The following CCDC170 variants were observed in gnomAD, a reference collection of about 807,000 sequenced individuals.
CCDC170 encodes coiled-coil domain containing 170, also known as coiled-coil domain-containing protein 170.
Under a neutral mutation model 72.6 loss-of-function variants are expected in CCDC170, and 69 were observed. The ratio of observed to expected loss-of-function variants is 0.95; its 90% CI spans 0.78 to 1.16. The LOEUF is 1.16. CCDC170 is among the 50% of genes most tolerant of loss of function. The pLI is 0.00. For synonymous variants in CCDC170, 300 were observed against 303.9 expected, an observed-to-expected ratio of 0.99 and a Z score of 0.13; for missense variants, 852 against 832.5, an observed-to-expected ratio of 1.02 and a Z score of -0.29.
At chr6:151,596,053 T>C (rs1776616376) in intron 8 of CCDC170, among the ~76,000 whole-genome samples, 1 of 152,180 alleles carries the variant, frequency 6.6e-6, no homozygotes, top group African/African-American at 2.4e-5. Flanking sequence ...TAATTTTACA[T>C]TTTTATGATG....
At chr6:151,514,228 G>A (rs1232698363) in intron 1 of CCDC170, among the ~76,000 whole-genome samples, 1 of 151,424 alleles carries the variant, frequency 6.6e-6, no homozygotes, top group Non-Finnish European at 1.5e-5. Context: ...TTGAGACTGG[G>A]AGGTCAAGTC....
rs1777049277 is a variant in CCDC170 at position 151,620,798 on chromosome 6, C to T, written c.*2651C>T. On this transcript the variant is annotated 3_prime_UTR_variant, in exon 11 of 11. Coordinates refer to ENST00000239374, the MANE Select transcript of CCDC170 (RefSeq NM_025059.4). ...GATATTTTAAATAATATTTTAAAAACATGAAATTTTTTTTTCATTTTTGAT... is the reference window on the plus strand; with the variant it reads ...GATATTTTAAATAATATTTTAAAAATATGAAATTTTTTTTTCATTTTTGAT... The T allele has an allele frequency of 7.3e-6, 1 of 137,812 alleles. No homozygotes were observed. Among genetic ancestry groups the T allele is most frequent in the African/African-American group, 3.2e-5 (1 of 31,604 alleles). The allele number at this position is 137,812 out of a possible 1,614,324, so 8.5% of individuals were successfully genotyped here.
chr6:151,512,386 C>T (rs151197731), intron 1 of CCDC170, among the ~76,000 whole-genome samples: 77 of 152,252 alleles, frequency 5.1e-4, no homozygotes, highest in African/African-American at 1.8e-3. Flanking sequence ...TCTCGAACTC[C>T]TGACCTCTAG....
chr6:151,563,225 CA>C (rs1191973518), intron 5 of CCDC170, among the ~76,000 whole-genome samples: 1 of 152,014 alleles, frequency 6.6e-6, no homozygotes, highest in Non-Finnish European at 1.5e-5. Context: ...GTGAAGAGCA[CA>C]AAAAAATGCT....
chr6:151,524,520 C>G lies in CCDC170; in HGVS notation c.58-11798C>G, dbSNP rs867505969. ...AATATTAGGATGTAAAACTGAAAAC[C>G]TAATAAATTGGACTTTTAAAACATG... On this transcript the variant is annotated intron_variant, in intron 1 of 10. Coordinates refer to ENST00000239374, the MANE Select transcript of CCDC170 (RefSeq NM_025059.4). 4.6e-5 allele frequency among the ~76,000 whole-genome samples: 7 copies of G among 152,228 alleles called. No homozygotes were observed. The South Asian group carries it at 1.5e-3, about 32-fold the overall frequency.
At chr6:151,549,551 A>T (rs1782842956) in intron 5 of CCDC170, among the ~76,000 whole-genome samples, 1 of 152,102 alleles carries the variant, frequency 6.6e-6, no homozygotes, top group Non-Finnish European at 1.5e-5. Context: ...CCAGCCACCC[A>T]GTTCTCTTCA....
chr6:151,502,109 TA>T (rs1448452634), intron 1 of CCDC170, among the ~76,000 whole-genome samples: 2 of 152,108 alleles, frequency 1.3e-5, no homozygotes, highest in Non-Finnish European at 2.9e-5. Flanking sequence ...ATATTGCTCA[TA>T]AAAATAACTG....
At chr6:151,571,333 T>TA (rs397783969) in intron 5 of CCDC170, among the ~76,000 whole-genome samples, 3 of 151,752 alleles carry the variant, frequency 2.0e-5, no homozygotes, top group Non-Finnish European at 2.9e-5. Context: ...TTTTTTTTTT[T>TA]ACCAGTTAAC....
intron 1 of CCDC170, among the ~76,000 whole-genome samples, chr6:151,508,108 G>A (rs1417128174): frequency 6.6e-6 from 1 of 152,144 alleles, no homozygotes; most frequent in Non-Finnish European, 1.5e-5. Flanking sequence ...CCACAGTTTT[G>A]TGGCACTAGA....
chr6:151,606,486 C>G (rs1481449463), intron 9 of CCDC170, among the ~76,000 whole-genome samples: 1 of 152,124 alleles, frequency 6.6e-6, no homozygotes, highest in African/African-American at 2.4e-5. Context: ...TAAAAAGATA[C>G]TTGGTATGAT....
At position 151,494,861 on chromosome 6, in the gene CCDC170, A is replaced by T. The variant is rs1473163172; in HGVS notation, c.57+676A>T. Among the ~76,000 whole-genome samples the T allele has an allele frequency of 4.6e-5, 7 of 152,102 alleles. No homozygotes were observed. The South Asian group carries it at 1.0e-3, about 23-fold the overall frequency. On this transcript the variant is annotated intron_variant, in intron 1 of 10. Coordinates refer to ENST00000239374, the MANE Select transcript of CCDC170 (RefSeq NM_025059.4). ...TATGCATACTTGGGCGCACAAGAAGATCTGGCTGGCTCAGTCTGGGTTAAG... is the reference window on the plus strand; with the variant it reads ...TATGCATACTTGGGCGCACAAGAAGTTCTGGCTGGCTCAGTCTGGGTTAAG...
intron 9 of CCDC170, among the ~76,000 whole-genome samples, chr6:151,598,250 T>G (rs563533220): frequency 1.3e-5 from 2 of 152,226 alleles, no homozygotes; most frequent in South Asian, 4.2e-4. Context: ...GGATTTGGAA[T>G]AGGGTGGAAT....
chr6:151,566,945 A>G (rs956248146), intron 5 of CCDC170, among the ~76,000 whole-genome samples: 2 of 152,052 alleles, frequency 1.3e-5, no homozygotes, highest in African/African-American at 4.8e-5. Context: ...TTTGAGACTG[A>G]GTTTCGCTCT....
In CCDC170 at chr6:151,504,430, A is replaced by G. The variant is rs567267940; in HGVS notation, c.57+10245A>G. ...TTGGTAATAAATAAAATTTTTACCA[A>G]TTTTACCAATAAAAAATAATTGGTA... On this transcript the variant is annotated intron_variant, in intron 1 of 10. Transcript: ENST00000239374. 6.0e-5 allele frequency among the ~76,000 whole-genome samples: 9 copies of G among 149,936 alleles called. No individual in the cohort carries two copies. In the South Asian group the frequency reaches 1.7e-3, roughly 28 times the overall value.
At chr6:151,505,450 G>A (rs1354747421) in intron 1 of CCDC170, among the ~76,000 whole-genome samples, 1 of 151,944 alleles carries the variant, frequency 6.6e-6, no homozygotes, top group African/African-American at 2.4e-5. Flanking sequence ...TTGGGAGGCC[G>A]AGGTGGGCAG....
In CCDC170 at chr6:151,618,212, C is replaced by G. The variant is rs55774154; in HGVS notation, c.*65C>G. The G allele has an allele frequency of 4.2e-3, 5,749 of 1,373,836 alleles. 145 individuals carry two copies. The African/African-American group carries it at 0.064, about 15-fold the overall frequency. The allele number at this position is 1,373,836 out of a possible 1,614,324, so 85.1% of individuals were successfully genotyped here. ...ACACAATTCCCAATTTCACAAATTC[C>G]TCATGTCTTTGAGATTTGATCAGTT... On this transcript the variant is annotated 3_prime_UTR_variant, in exon 11 of 11. Coordinates refer to ENST00000239374, the MANE Select transcript of CCDC170 (RefSeq NM_025059.4).
At chr6:151,572,664 TTTTTTG>T (rs1159674082) in intron 5 of CCDC170, among the ~76,000 whole-genome samples, 1 of 143,460 alleles carries the variant, frequency 7.0e-6, no homozygotes, top group Non-Finnish European at 1.5e-5. Flanking sequence ...TTTTTTTTTT[TTTTTTG>T]ATGGAGTCTT....
At chr6:151,557,276 G>A (rs1782996258) in intron 5 of CCDC170, among the ~76,000 whole-genome samples, 2 of 152,124 alleles carry the variant, frequency 1.3e-5, no homozygotes, top group South Asian at 4.2e-4. Context: ...GGGTGTGGTG[G>A]TGCACGCCTG....
At chr6:151,508,640 G>T (rs961186514) in intron 1 of CCDC170, among the ~76,000 whole-genome samples, 22 of 152,264 alleles carry the variant, frequency 1.4e-4, no homozygotes, top group Middle Eastern at 3.4e-3. Flanking sequence ...TTGAACCCAG[G>T]AAGTGGAGGT....
Sources: gnomAD v4.1 joint callset for allele counts (sites outside exome capture counted in the v4.1 genomes callset) on GRCh38, gnomAD v4.1.1 for gene constraint, MANE v1.5 for transcripts, NCBI Gene and HGNC (gene_info 2026-07-23, HGNC 2026-07-21) for gene names.